Variants in ITPR2 observed in about 807,000 individuals in gnomAD.
The protein encoded by ITPR2 is inositol 1,4,5-trisphosphate-gated calcium channel ITPR2.
Under a neutral mutation model 317.1 loss-of-function variants are expected in ITPR2, and 207 were observed. The ratio of observed to expected loss-of-function variants is 0.65; its 90% CI spans 0.58 to 0.73. The LOEUF is 0.73. ITPR2 is among the 30% of genes least tolerant of loss of function. ITPR2 has a pLI of 0.00. For missense variants in ITPR2, 2,613 were observed against 3,284.0 expected (o/e 0.80, Z 4.99); for synonymous variants, 1,156 against 1,149.1 (o/e 1.01, Z -0.12).
intron 37 of ITPR2, among the ~76,000 whole-genome samples, chr12:26,538,582 T>A (rs963381128): frequency 6.6e-6 from 1 of 152,040 alleles, no homozygotes; most frequent in Non-Finnish European, 1.5e-5. Flanking sequence ...TTTTTCTTTT[T>A]TTCTTTTTTT....
At chr12:26,511,226 G>A (rs1008982764) in intron 37 of ITPR2, among the ~76,000 whole-genome samples, 2 of 152,150 alleles carry the variant, frequency 1.3e-5, no homozygotes, top group African/African-American at 4.8e-5. Flanking sequence ...CTTCACACCT[G>A]TGTGTGTGTT....
chr12:26,595,871 A>G (rs1412840326), intron 31 of ITPR2, among the ~76,000 whole-genome samples: 1 of 152,168 alleles, frequency 6.6e-6, no homozygotes, highest in African/African-American at 2.4e-5. Context: ...CAAGGAGTCA[A>G]AAGCAACCTC....
At chr12:26,494,062 A>T in intron 39 of ITPR2, 91 bp downstream of exon 39, 1 of 1,044,668 alleles carries the variant, frequency 9.6e-7, no homozygotes, top group Non-Finnish European at 1.3e-6. Flanking sequence ...ATAAGAGCTA[A>T]AAGAAACACA....
chr12:26,642,351 T>C (rs1488546471), intron 21 of ITPR2, among the ~76,000 whole-genome samples: 2 of 152,126 alleles, frequency 1.3e-5, no homozygotes, highest in African/African-American at 4.8e-5. Context: ...CTTTAAAGGG[T>C]ATTGAAGTCA....
intron 34 of ITPR2, among the ~76,000 whole-genome samples, chr12:26,567,014 T>C (rs1309506696): frequency 1.3e-5 from 2 of 152,240 alleles, no homozygotes; most frequent in Non-Finnish European, 2.9e-5. Flanking sequence ...GCTTCTATGT[T>C]ATTTTCTAAG....
intron 49 of ITPR2, 126 bp downstream of exon 49, chr12:26,427,787 A>C: frequency 1.7e-6 from 1 of 587,166 alleles, no homozygotes; most frequent in Non-Finnish European, 2.5e-6. Flanking sequence ...GCTCTGGTTA[A>C]TTTAGATTTA....
chr12:26,490,538 C>A (rs1161536567), intron 39 of ITPR2, among the ~76,000 whole-genome samples: 2 of 152,196 alleles, frequency 1.3e-5, no homozygotes, highest in African/African-American at 4.8e-5. Flanking sequence ...AATGGCCGGG[C>A]GCAGTGGCTC....
intron 2 of ITPR2, among the ~76,000 whole-genome samples, chr12:26,789,031 CTATT>C (rs1239490674): frequency 1.3e-5 from 2 of 152,188 alleles, no homozygotes; most frequent in East Asian, 3.9e-4. Context: ...TCAGTGGAAA[CTATT>C]TACTGCAAGA....
chr12:26,481,077 G>T, intron 43 of ITPR2, 54 bp downstream of exon 43: 1 of 972,356 alleles, frequency 1.0e-6, no homozygotes, highest in Non-Finnish European at 1.6e-6. Context: ...GCTGCTTGAA[G>T]ATTGTACTAT....
intron 55 of ITPR2, among the ~76,000 whole-genome samples, chr12:26,348,022 T>G (rs913779728): frequency 3.9e-5 from 6 of 152,234 alleles, no homozygotes; most frequent in Non-Finnish European, 7.3e-5. Flanking sequence ...TTCCTAAGGT[T>G]TTTCTTGGTT....
At chr12:26,439,435 G>A (rs772658561) in intron 46 of ITPR2, 116 bp from the exon 47 acceptor site, 3 of 704,796 alleles carry the variant, frequency 4.3e-6, no homozygotes, top group Non-Finnish European at 6.8e-6. Flanking sequence ...GTGAAAAAAT[G>A]TGCCAACTTG....
At chr12:26,775,955 T>TATATATATACATAC in intron 2 of ITPR2, among the ~76,000 whole-genome samples, 1 of 148,084 alleles carries the variant, frequency 6.8e-6, no homozygotes, top group South Asian at 2.1e-4. Context: ...TATGTATATG[T>TATATATATACATAC]ATATCCTATT....
At chr12:26,475,121 T>A (rs1000097496) in intron 45 of ITPR2, among the ~76,000 whole-genome samples, 175 bp downstream of exon 45, 3 of 152,184 alleles carry the variant, frequency 2.0e-5, no homozygotes, top group South Asian at 2.1e-4. Context: ...TCCCTTAGCA[T>A]ACCTTGGGGT....
At chr12:26,804,188 C>T (rs1950604298) in intron 1 of ITPR2, among the ~76,000 whole-genome samples, 1 of 151,890 alleles carries the variant, frequency 6.6e-6, no homozygotes, top group Non-Finnish European at 1.5e-5. Context: ...ACAGAGCTTC[C>T]AACGTTTAAC....
In ITPR2 at chr12:26,621,158, C is replaced by T. The variant is rs371563713; in HGVS notation, c.3427G>A (p.Glu1143Lys). 167 of 1,613,580 alleles carry T rather than the reference C, an allele frequency of 1.0e-4. No individual in the cohort carries two copies. In the Middle Eastern group the frequency reaches 3.3e-3, roughly 32 times the overall value. ...TCTTCACCACCTTTCACTTGACTTT[C>T]CCCTATTTCTCCATTCTCATAGTTG... ...SSNYENGEIG[E>K]SQVKGGEEPI... is the part of the protein sequence containing the mutation. Residue 1143 changes from glutamate to lysine, a missense_variant, in exon 26 of 57, where the codon GAA (glutamate) becomes AAA (lysine). By Grantham distance (56) the Glu-to-Lys change is moderately conservative (BLOSUM62 1). Coordinates refer to ENST00000381340, the MANE Select transcript of ITPR2 (RefSeq NM_002223.4).
At chr12:26,444,697 A>C (rs577497562) in intron 45 of ITPR2, among the ~76,000 whole-genome samples, 1 of 151,952 alleles carries the variant, frequency 6.6e-6, no homozygotes, top group East Asian at 1.9e-4. Flanking sequence ...TTTTCCTATT[A>C]TTCATGAGAT....
intron 37 of ITPR2, among the ~76,000 whole-genome samples, chr12:26,506,452 G>A (rs1250309750): frequency 6.7e-6 from 1 of 149,068 alleles, no homozygotes. Flanking sequence ...AGGCTGCAGT[G>A]AGGCATGATT....
intron 55 of ITPR2, among the ~76,000 whole-genome samples, chr12:26,383,462 G>GT (rs892413890): frequency 3.3e-5 from 5 of 149,486 alleles, no homozygotes; most frequent in South Asian, 2.1e-4. Flanking sequence ...CTTATTCTAT[G>GT]TTTTTTTGTT....
At chr12:26,448,779 C>G (rs1282985765) in intron 45 of ITPR2, among the ~76,000 whole-genome samples, 1 of 152,050 alleles carries the variant, frequency 6.6e-6, no homozygotes, top group South Asian at 2.1e-4. Context: ...TCATGACACA[C>G]TTGTAATTTA....
Sources: gnomAD v4.1 joint callset for allele counts (sites outside exome capture counted in the v4.1 genomes callset) on GRCh38, gnomAD v4.1.1 for gene constraint, MANE v1.5 for transcripts, NCBI Gene and HGNC (gene_info 2026-07-23, HGNC 2026-07-21) for gene names.